The following SPATA17 variants were observed in gnomAD, a reference collection of about 807,000 sequenced individuals.
SPATA17 encodes spermatogenesis associated 17.
A neutral mutation model predicts 62.2 loss-of-function variants in SPATA17; 53 were observed. That is an observed-to-expected ratio of 0.85 (90% CI 0.68 to 1.07). The LOEUF is 1.07. Ranked by LOEUF, SPATA17 falls within the 50% of genes least tolerant of loss-of-function variation. The probability of loss-of-function intolerance (pLI) is 0.00; values close to 1 mark genes in which losing one functional copy is unlikely to be tolerated. For missense variants in SPATA17, 466 were observed against 425.5 expected (o/e 1.10, Z -0.84); for synonymous variants, 146 against 146.8 (o/e 0.99, Z 0.04).
chr1:217,854,021 C>T (rs769149237), intron 9 of SPATA17, among the ~76,000 whole-genome samples: 10 of 152,086 alleles, frequency 6.6e-5, no homozygotes, highest in Non-Finnish European at 1.5e-4. Flanking sequence ...TCCAGGGGTG[C>T]CTCATGGTCA....
At chr1:217,755,784 C>T (rs980464194) in intron 6 of SPATA17, among the ~76,000 whole-genome samples, 15 of 151,812 alleles carry the variant, frequency 9.9e-5, no homozygotes, top group African/African-American at 3.6e-4. Flanking sequence ...GTTCTATGTA[C>T]ATAAGTTAAC....
At chr1:217,830,960 G>C (rs1675126568) in intron 9 of SPATA17, among the ~76,000 whole-genome samples, 1 of 152,112 alleles carries the variant, frequency 6.6e-6, no homozygotes, top group Admixed American at 6.6e-5. Context: ...TAAAAATAGT[G>C]AAAATAGTTT....
At chr1:217,777,481 C>T (rs1558046696) in intron 7 of SPATA17, among the ~76,000 whole-genome samples, 1 of 151,832 alleles carries the variant, frequency 6.6e-6, no homozygotes, top group African/African-American at 2.4e-5. Flanking sequence ...AGCACACTAC[C>T]ACTTCTGCCT....
chr1:217,795,268 G>A (rs1008614438), intron 8 of SPATA17, among the ~76,000 whole-genome samples: 5 of 151,170 alleles, frequency 3.3e-5, no homozygotes, highest in African/African-American at 1.2e-4. Flanking sequence ...CATTTTGCAA[G>A]TGTATTCACT....
chr1:217,785,957 A>T (rs1014449315), intron 8 of SPATA17, among the ~76,000 whole-genome samples: 1 of 152,162 alleles, frequency 6.6e-6, no homozygotes, highest in African/African-American at 2.4e-5. Context: ...TCTCAAAGAA[A>T]ATTATTTCCC....
intron 5 of SPATA17, among the ~76,000 whole-genome samples, chr1:217,737,449 A>G (rs913760451): frequency 1.3e-5 from 2 of 152,190 alleles, no homozygotes; most frequent in African/African-American, 2.4e-5. Context: ...TTGGGGAGCA[A>G]CATCTTTAAG....
At chr1:217,860,328 A>G (rs1280555143) in intron 9 of SPATA17, among the ~76,000 whole-genome samples, 2 of 152,112 alleles carry the variant, frequency 1.3e-5, no homozygotes, top group Non-Finnish European at 2.9e-5. Flanking sequence ...GATGTGGTCT[A>G]TCTTGGTGAA....
intron 8 of SPATA17, among the ~76,000 whole-genome samples, chr1:217,787,784 T>C (rs1258131927): frequency 1.3e-5 from 2 of 152,162 alleles, no homozygotes; most frequent in Non-Finnish European, 2.9e-5. Context: ...TGTCAACCCT[T>C]TCTTGTGTAT....
intron 9 of SPATA17, among the ~76,000 whole-genome samples, chr1:217,833,291 A>G (rs1478570170): frequency 6.6e-6 from 1 of 152,186 alleles, no homozygotes; most frequent in Non-Finnish European, 1.5e-5. Context: ...ACACACCCAC[A>G]TTCAGGAAAG....
At chr1:217,653,880 T>C (rs1670374156) in intron 3 of SPATA17, among the ~76,000 whole-genome samples, 1 of 152,210 alleles carries the variant, frequency 6.6e-6, no homozygotes, top group East Asian at 1.9e-4. Context: ...GGCTACAGTA[T>C]ATATTCCATA....
chr1:217,793,839 G>T (rs1012521609), intron 8 of SPATA17, among the ~76,000 whole-genome samples: 1 of 152,052 alleles, frequency 6.6e-6, no homozygotes, highest in African/African-American at 2.4e-5. Flanking sequence ...AAGGAGGCCG[G>T]GTGCGGTGGC....
intron 5 of SPATA17, among the ~76,000 whole-genome samples, chr1:217,709,921 T>C (rs1249679487): frequency 6.6e-6 from 1 of 152,194 alleles, no homozygotes; most frequent in African/African-American, 2.4e-5. Flanking sequence ...ACAATTAAGA[T>C]TTATGTCTGA....
At position 217,867,192 on chromosome 1, in the gene SPATA17, A is replaced by T. The variant is rs780629283; in HGVS notation, c.*173A>T. 2 of 152,188 alleles carry T rather than the reference A, an allele frequency of 1.3e-5. No homozygotes were observed. The highest frequency in any genetic ancestry group is 2.9e-5 in the Non-Finnish European group (2 of 68,040). 9.4% of individuals were successfully genotyped at this position (152,188 alleles called of 1,614,324 possible). ...TGTGTGTATGTATTTGAAATCTCTT[A>T]GACATATCTTTTCAAACAAATACTT... On this transcript the variant is annotated 3_prime_UTR_variant, in exon 11 of 11. Coordinates refer to ENST00000366933, the MANE Select transcript of SPATA17 (RefSeq NM_138796.4).
intron 5 of SPATA17, among the ~76,000 whole-genome samples, chr1:217,709,123 A>G (rs915685864): frequency 5.3e-5 from 8 of 152,236 alleles, no homozygotes; most frequent in Non-Finnish European, 1.2e-4. Context: ...GATGTTCACC[A>G]TCAGGCAGCT....
intron 9 of SPATA17, among the ~76,000 whole-genome samples, chr1:217,839,170 C>A: frequency 6.6e-6 from 1 of 152,126 alleles, no homozygotes; most frequent in South Asian, 2.1e-4. Context: ...AAGTAATGCA[C>A]ATAGACAGAG....
intron 5 of SPATA17, among the ~76,000 whole-genome samples, chr1:217,689,589 T>C (rs1671301330): frequency 6.6e-6 from 1 of 152,090 alleles, no homozygotes; most frequent in South Asian, 2.1e-4. Context: ...TAAGACAATG[T>C]TCTCAAAAAT....
chr1:217,746,962 A>G (rs1672771521), intron 6 of SPATA17, among the ~76,000 whole-genome samples: 1 of 152,052 alleles, frequency 6.6e-6, no homozygotes, highest in Non-Finnish European at 1.5e-5. Flanking sequence ...TTGTTGCTAC[A>G]GACATAATAG....
chr1:217,688,578 T>C (rs183959376), intron 5 of SPATA17, among the ~76,000 whole-genome samples: 28 of 152,292 alleles, frequency 1.8e-4, no homozygotes, highest in African/African-American at 6.0e-4. Context: ...TGCTCACCCA[T>C]TCTGAATGTC....
At chr1:217,746,038 A>G (rs1273166614) in intron 6 of SPATA17, among the ~76,000 whole-genome samples, 1 of 151,288 alleles carries the variant, frequency 6.6e-6, no homozygotes. Flanking sequence ...AATATTCTTT[A>G]CTTAGTTGTT....
Sources: allele counts gnomAD v4.1 joint callset (sites outside exome capture counted in the v4.1 genomes callset), GRCh38; gene constraint gnomAD v4.1.1; transcripts MANE v1.5; gene names NCBI Gene and HGNC (gene_info 2026-07-23, HGNC 2026-07-21).